Variants in NAV2 observed in about 807,000 individuals in gnomAD.
NAV2 encodes the protein neuron navigator 2.
NAV2 carries 54 observed loss-of-function variants against 223.2 expected under a neutral mutation model. The observed-to-expected ratio is 0.24, with a 90% CI of 0.19 to 0.30. The LOEUF is 0.30. NAV2 is among the 10% of genes least tolerant of loss of function. The pLI is 1.00. For synonymous variants in NAV2, 1,279 were observed against 1,239.3 expected (o/e 1.03, Z -0.67); for missense variants, 2,806 against 3,147.5 (o/e 0.89, Z 2.60).
chr11:19,447,248 G>C (rs1851617989), intron 1 of NAV2, among the ~76,000 whole-genome samples: 1 of 152,122 alleles, frequency 6.6e-6, no homozygotes, highest in African/African-American at 2.4e-5. Context: ...CTCTGAAATT[G>C]AGTGGGCTGG....
chr11:19,839,796 C>T (rs1209643724), intron 2 of NAV2, among the ~76,000 whole-genome samples: 1 of 152,240 alleles, frequency 6.6e-6, no homozygotes, highest in African/African-American at 2.4e-5. Flanking sequence ...ACCTTGCATG[C>T]AGGCAGGTTA....
chr11:20,104,239 C>A, intron 34 of NAV2: 1 of 164,462 alleles, frequency 6.1e-6, no homozygotes. Flanking sequence ...CGCTGGTGCT[C>A]TCTCATGGCC....
chr11:19,736,087 GTTGTGACAGTTCAAAA>G (rs2052267783), intron 1 of NAV2, among the ~76,000 whole-genome samples: 1 of 152,204 alleles, frequency 6.6e-6, no homozygotes, highest in South Asian at 2.1e-4. Flanking sequence ...TCCGTGGAGG[GTTGTGACAGTTCAAAA>G]CATGCTGTCC....
At chr11:19,548,593 C>G (rs10833132) in intron 1 of NAV2, among the ~76,000 whole-genome samples, 55,525 of 151,748 alleles carry the variant, frequency 0.37, 12,376 homozygotes, top group African/African-American at 0.63. Flanking sequence ...TCTTGGCCAG[C>G]AGCGGTGGCT....
chr11:19,869,011 C>T lies in NAV2; in HGVS notation c.511+14C>T. On this transcript the variant is annotated intron_variant, in intron 4 of 37. Transcript: ENST00000349880. The stretch of plus-strand genomic sequence containing the variant: ...TGTCTGCAGAAGGTGAGTCAGAGCG[C>T]TTGTCACGAAGCTGCCTCTTCATCA... 1 of 1,613,132 alleles carries T rather than the reference C, an allele frequency of 6.2e-7. No individual in the cohort carries two copies. The highest frequency in any genetic ancestry group is 8.5e-7 in the Non-Finnish European group (1 of 1,179,412).
At chr11:19,485,709 A>G (rs919088981) in intron 1 of NAV2, among the ~76,000 whole-genome samples, 2 of 149,262 alleles carry the variant, frequency 1.3e-5, no homozygotes, top group East Asian at 4.0e-4. Flanking sequence ...GAGTTTTTAT[A>G]TGGGAGGATC....
chr11:19,515,277 A>G (rs556923535), intron 1 of NAV2, among the ~76,000 whole-genome samples: 26 of 152,334 alleles, frequency 1.7e-4, no homozygotes, highest in African/African-American at 5.8e-4. Context: ...CTCACTGTGT[A>G]TCTCTGGACC....
In NAV2 at chr11:19,395,885, A is replaced by G. The variant is rs546809278; in HGVS notation, c.75+44858A>G. 7.2e-5 allele frequency among the ~76,000 whole-genome samples: 11 copies of G among 152,308 alleles called. No homozygotes were observed. The East Asian group carries it at 1.9e-3, about 27-fold the overall frequency. On this transcript the variant is annotated intron_variant, in intron 1 of 37. Transcript: ENST00000360655. ...TTCTCTCTGATTACCAGAGCTATCA[A>G]AAAGTAGACAGGATGCTATTCCTGT...
chr11:20,049,062 T>A lies in NAV2; in HGVS notation c.4237T>A (p.Ser1413Thr), dbSNP rs1009492228. ...SVSSLHTSCE[S>T]IDISLSSGGV... ...CAGCAGCCTCCACACCAGCTGTGAG[T>A]CCATCGACATCTCCCTCAGCAGTGG... Residue 1413 changes from serine to threonine, a missense_variant, in exon 15 of 38, where the codon TCC (serine) becomes ACC (threonine). Around this residue, in one of 4 missense-constraint regions of NAV2, gnomAD observed 742 missense variants for 777.9 expected, o/e 0.95. Coordinates refer to ENST00000349880, the MANE Select transcript of NAV2 (RefSeq NM_145117.5). The A allele has an allele frequency of 6.2e-7, 1 of 1,613,888 alleles. No homozygotes were observed. Among genetic ancestry groups the A allele is most frequent in the Non-Finnish European group, 8.5e-7 (1 of 1,180,002 alleles).
At chr11:19,579,601 TG>T (rs542020426) in intron 1 of NAV2, among the ~76,000 whole-genome samples, 102 of 152,258 alleles carry the variant, frequency 6.7e-4, no homozygotes, top group African/African-American at 2.4e-3. Flanking sequence ...TTTCCTCCTC[TG>T]GAAGATAGGA....
At chr11:19,414,291 A>C (rs919495255) in intron 1 of NAV2, among the ~76,000 whole-genome samples, 1 of 152,238 alleles carries the variant, frequency 6.6e-6, no homozygotes, top group African/African-American at 2.4e-5. Context: ...ACGGGTTGCA[A>C]TCCTAGTTCT....
chr11:19,905,485 T>G (rs1045887069), intron 6 of NAV2, among the ~76,000 whole-genome samples: 3 of 152,062 alleles, frequency 2.0e-5, no homozygotes, highest in African/African-American at 7.3e-5. Flanking sequence ...AGGGACAGAG[T>G]CCAGGAAGAG....
chr11:19,750,977 A>T (rs760895978), intron 1 of NAV2, among the ~76,000 whole-genome samples: 16 of 152,232 alleles, frequency 1.1e-4, no homozygotes, highest in Non-Finnish European at 2.4e-4. Flanking sequence ...AGGCAATGGT[A>T]TGCTGAGGCT....
At chr11:20,088,686 C>T (rs902006179) in intron 26 of NAV2, among the ~76,000 whole-genome samples, 1 of 152,172 alleles carries the variant, frequency 6.6e-6, no homozygotes, top group African/African-American at 2.4e-5. Context: ...ATACGTTCCA[C>T]AACGTGAGTG....
At chr11:19,717,622 GAA>G (rs2050408558) in intron 1 of NAV2, among the ~76,000 whole-genome samples, 1 of 152,234 alleles carries the variant, frequency 6.6e-6, no homozygotes, top group Non-Finnish European at 1.5e-5. Flanking sequence ...GTGATGAAGA[GAA>G]AGAACAAAGG....
At chr11:20,086,518 A>G (rs950723807) in intron 26 of NAV2, among the ~76,000 whole-genome samples, 5 of 151,814 alleles carry the variant, frequency 3.3e-5, no homozygotes, top group African/African-American at 1.2e-4. Flanking sequence ...TCCCCATTGC[A>G]CATGTTGCCC....
At chr11:19,866,905 A>T (rs963144155) in intron 3 of NAV2, among the ~76,000 whole-genome samples, 1 of 152,090 alleles carries the variant, frequency 6.6e-6, no homozygotes, top group African/African-American at 2.4e-5. Context: ...CCAAAGCCTC[A>T]CTCACCAGCC....
intron 1 of NAV2, among the ~76,000 whole-genome samples, chr11:19,772,884 A>G (rs1274155847): frequency 6.6e-6 from 1 of 152,156 alleles, no homozygotes; most frequent in Admixed American, 6.5e-5. Context: ...TTAAACTGAA[A>G]TATGTTATCT....
In NAV2 at chr11:19,787,270, C is replaced by CTTTTTTTTTTTTTT. The variant is rs757183666; in HGVS notation, c.268-45199_268-45186dup. On this transcript the variant is annotated intron_variant, in intron 1 of 37. Transcript: ENST00000349880. ...CATGCCTGGCTAATTTTTATTGGAT[C>CTTTTTTTTTTTTTT]TTTTTTTTTTTTTTTTTTTTTTTTT... Among the ~76,000 whole-genome samples the CTTTTTTTTTTTTTT allele has an allele frequency of 7.3e-5, 4 of 55,008 alleles. 2 individuals are homozygous for CTTTTTTTTTTTTTT. The highest frequency in any genetic ancestry group is 1.2e-4 in the African/African-American group (2 of 16,140). 36.1% of individuals were successfully genotyped at this position (55,008 alleles called of 152,430 possible).
Sources: gnomAD v4.1 joint callset for allele counts (sites outside exome capture counted in the v4.1 genomes callset) on GRCh38, gnomAD v4.1.1 for gene constraint, gnomAD v4.1.1 regional missense constraint, MANE v1.5 for transcripts, NCBI Gene and HGNC (gene_info 2026-07-23, HGNC 2026-07-21) for gene names.